The following DNAAF8 variants were observed in gnomAD, a reference collection of about 807,000 sequenced individuals.
The protein encoded by DNAAF8 is dynein axonemal-associated protein 1.
DNAAF8 carries 61 observed loss-of-function variants against 54.6 expected under a neutral mutation model. The observed-to-expected ratio is 1.12, with a 90% CI of 0.91 to 1.38. The LOEUF is 1.38. DNAAF8 is among the 40% of genes most tolerant of loss of function. The pLI, the probability that DNAAF8 is intolerant of heterozygous loss-of-function variation, is 0.00. For synonymous variants in DNAAF8, 320 were observed against 270.1 expected, an observed-to-expected ratio of 1.18 and a Z score of -1.81; for missense variants, 837 against 665.0, an observed-to-expected ratio of 1.26 and a Z score of -2.85.
Position 4,736,497 on chromosome 16 carries a change from C to T in DNAAF8, c.-18C>T. 6.5e-7 allele frequency: 1 copy of T among 1,529,574 alleles called. No individual in the cohort carries two copies. The highest frequency in any genetic ancestry group is 2.4e-5 in the East Asian group (1 of 41,582). The allele number at this position is 1,529,574 out of a possible 1,614,324, so 94.8% of individuals were successfully genotyped here. ...GGATTATGGTGCACTGAGAAGGCAT[C>T]TGGAAGCCTGGGCCCTCATGGCATC... On this transcript the variant is annotated 5_prime_UTR_variant, in exon 2 of 10. Transcript: ENST00000299320.
At chr16:4,746,308 A>T (rs2082016930) in intron 6 of DNAAF8, 67 bp from the exon 7 acceptor site, 1 of 1,505,014 alleles carries the variant, frequency 6.6e-7, no homozygotes, top group Admixed American at 2.0e-5. Context: ...TGACTGGACA[A>T]ACCCAGCGCA....
At chr16:4,738,552 G>A (rs1162938841) in intron 3 of DNAAF8, among the ~76,000 whole-genome samples, 3 of 152,232 alleles carry the variant, frequency 2.0e-5, no homozygotes, top group Non-Finnish European at 4.4e-5. Flanking sequence ...GTTCCCATGA[G>A]GCCAGGAGTT....
chr16:4,749,101 G>T lies in DNAAF8; in HGVS notation c.*386G>T. The stretch of plus-strand genomic sequence containing the variant: ...GACAGGCTTCCATAAAGTCCCAGGA[G>T]GTCCCTCCTGTAGGGCACAAGGCCA... On this transcript the variant is annotated 3_prime_UTR_variant, in exon 10 of 10. Coordinates refer to ENST00000299320, the MANE Select transcript of DNAAF8 (RefSeq NM_139170.3). The T allele has an allele frequency of 6.5e-6, 1 of 152,780 alleles. No homozygotes were observed. Among genetic ancestry groups the T allele is most frequent in the Non-Finnish European group, 1.5e-5 (1 of 68,252 alleles). The allele number at this position is 152,780 out of a possible 1,614,324, so 9.5% of individuals were successfully genotyped here.
intron 8 of DNAAF8, 41 bp from the exon 9 acceptor site, chr16:4,747,302 C>A: frequency 1.3e-6 from 2 of 1,519,490 alleles, no homozygotes; most frequent in Non-Finnish European, 1.8e-6. Context: ...GGAGGGGCGG[C>A]CCCCACGGGG....
In DNAAF8 at chr16:4,746,779, C is replaced by G. The variant is rs141618131; in HGVS notation, c.1182-148C>G. The G allele has an allele frequency of 3.7e-6, 3 of 809,772 alleles. No homozygotes were observed. The East Asian group carries it at 8.5e-5, about 23-fold the overall frequency. 50.2% of individuals were successfully genotyped at this position (809,772 alleles called of 1,614,324 possible). On this transcript the variant is annotated intron_variant, in intron 7 of 9. Coordinates refer to ENST00000299320, the MANE Select transcript of DNAAF8 (RefSeq NM_139170.3). ...AGGGCATCACCCACACCTGTCCTCA[C>G]CTCCTGGCAGGACGTCCACCGGCCT...
intron 3 of DNAAF8, 118 bp downstream of exon 3, chr16:4,738,064 T>TC (rs556518567): frequency 2.5e-5 from 31 of 1,257,618 alleles, no homozygotes; most frequent in South Asian, 3.2e-5. Context: ...CTTTTTTTTT[T>TC]CCCCCATGTA....
intron 6 of DNAAF8, 54 bp from the exon 7 acceptor site, chr16:4,746,321 T>C: frequency 6.4e-7 from 1 of 1,555,022 alleles, no homozygotes; most frequent in Non-Finnish European, 8.8e-7. Flanking sequence ...CCAGCGCAGG[T>C]CACAGAGTTA....
At chr16:4,737,363 T>C (rs1297254266) in intron 2 of DNAAF8, among the ~76,000 whole-genome samples, 1 of 152,138 alleles carries the variant, frequency 6.6e-6, no homozygotes, top group Non-Finnish European at 1.5e-5. Context: ...ACCTTCAGTC[T>C]CATTTGAGAG....
chr16:4,745,111 C>G, intron 6 of DNAAF8, 100 bp downstream of exon 6: 1 of 1,416,860 alleles, frequency 7.1e-7, no homozygotes. Flanking sequence ...ACTCCATGTG[C>G]ATTTTCTCAG....
At chr16:4,736,694 C>G (rs2081905606) in intron 2 of DNAAF8, 51 bp downstream of exon 2, 1 of 1,474,342 alleles carries the variant, frequency 6.8e-7, no homozygotes, top group African/African-American at 1.4e-5. Context: ...CCAGAGCAGG[C>G]ATGACGCTGG....
Position 4,747,035 on chromosome 16 carries a change from C to A in DNAAF8, c.1280+10C>A, listed in dbSNP as rs1385516894. On this transcript the variant is annotated intron_variant, in intron 8 of 9. Transcript: ENST00000299320. ...CCTCCCTGGGGCTACGGTAACCACC[C>A]AGGGGCCTCTCGCCACCTGCAGATG... is the stretch of plus-strand genomic sequence containing the variant. The A allele has an allele frequency of 6.6e-7, 1 of 1,522,516 alleles. No individual in the cohort carries two copies. The highest frequency in any genetic ancestry group is 8.8e-7 in the Non-Finnish European group (1 of 1,140,720). The allele number at this position is 1,522,516 out of a possible 1,614,324, so 94.3% of individuals were successfully genotyped here.
intron 6 of DNAAF8, among the ~76,000 whole-genome samples, chr16:4,745,820 G>A (rs1488699142): frequency 6.6e-6 from 1 of 152,076 alleles, no homozygotes; most frequent in Non-Finnish European, 1.5e-5. Context: ...AGGCATGTTG[G>A]TGCATGCCTG....
Position 4,746,654 on chromosome 16 carries a change from C to A in DNAAF8, c.1181+142C>A, listed in dbSNP as rs753806838. On this transcript the variant is annotated intron_variant, in intron 7 of 9. Transcript: ENST00000299320. ...TCAATTCTCAATTGAAAAGTGCTGG[C>A]CTACAGTCCCCCTGGGTCCCTGCAG... The A allele has an allele frequency of 4.7e-5, 56 of 1,180,238 alleles. No individual in the cohort carries two copies. In the Middle Eastern group the frequency reaches 7.1e-4, roughly 15 times the overall value. The allele number at this position is 1,180,238 out of a possible 1,614,324, so 73.1% of individuals were successfully genotyped here. A position where few individuals can be genotyped will look rare whatever the true frequency, so the allele number is the denominator to read the frequency against.
At chr16:4,741,869 A>C (rs2081964625) in intron 4 of DNAAF8, among the ~76,000 whole-genome samples, 1 of 152,212 alleles carries the variant, frequency 6.6e-6, no homozygotes, top group Non-Finnish European at 1.5e-5. Context: ...GTCCTAGAGG[A>C]GTTATCTTGT....
chr16:4,741,969 G>C (rs2081965578), intron 4 of DNAAF8, among the ~76,000 whole-genome samples: 1 of 152,148 alleles, frequency 6.6e-6, no homozygotes, highest in Non-Finnish European at 1.5e-5. Context: ...CTGGCACCAG[G>C]TATACACAGA....
At chr16:4,738,446 A>G (rs2081921255) in intron 3 of DNAAF8, among the ~76,000 whole-genome samples, 1 of 152,212 alleles carries the variant, frequency 6.6e-6, no homozygotes, top group Admixed American at 6.5e-5. Context: ...CACAAGCTGG[A>G]CCTCGTGGGA....
At chr16:4,741,782 CA>C (rs903337845) in intron 4 of DNAAF8, among the ~76,000 whole-genome samples, 2 of 149,268 alleles carry the variant, frequency 1.3e-5, no homozygotes, top group African/African-American at 4.9e-5. Flanking sequence ...GACTCCATCT[CA>C]AAAAAAAAGA....
intron 3 of DNAAF8, 170 bp downstream of exon 3, chr16:4,738,116 A>C (rs2081918731): frequency 7.4e-6 from 6 of 807,042 alleles, no homozygotes; most frequent in South Asian, 2.2e-5. Context: ...ACCTCCACGC[A>C]CCTCCCTCTC....
chr16:4,739,262 C>CTTTTTTTTTTTTTTTTTTTT (rs1596482355), intron 3 of DNAAF8, among the ~76,000 whole-genome samples: 3 of 36,234 alleles, frequency 8.3e-5, no homozygotes, highest in Admixed American at 6.0e-4. Context: ...ATGATTTTTT[C>CTTTTTTTTTTTTTTTTTTTT]TTGTTTTTTT....
Sources: allele counts gnomAD v4.1 joint callset (sites outside exome capture counted in the v4.1 genomes callset), GRCh38; gene constraint gnomAD v4.1.1; transcripts MANE v1.5; gene names NCBI Gene and HGNC (gene_info 2026-07-23, HGNC 2026-07-21).